SCN11A: variants seen among roughly 807,000 people sequenced by gnomAD.
The protein encoded by SCN11A is sodium channel protein type 11 subunit alpha.
In SCN11A, 122 loss-of-function variants were observed where a neutral mutation model predicts 162.2. The observed-to-expected ratio is 0.75, with a 90% confidence interval of 0.65 to 0.87. The LOEUF (loss-of-function observed/expected upper bound fraction) is 0.87, where lower values mean the gene tolerates loss of function less well. Among genes scored for constraint, SCN11A ranks in the 40% least tolerant of loss-of-function variants. SCN11A has a pLI of 0.00. For synonymous variants in SCN11A, 758 were observed against 751.5 expected, an observed-to-expected ratio of 1.01 and a Z score of -0.14; for missense variants, 2,015 against 2,181.6, an observed-to-expected ratio of 0.92 and a Z score of 1.52.
At chr3:38,858,741 A>G (rs930881595) in intron 28 of SCN11A, among the ~76,000 whole-genome samples, 7 of 152,190 alleles carry the variant, frequency 4.6e-5, no homozygotes, top group African/African-American at 1.7e-4. Flanking sequence ...AGCATTCTCC[A>G]TATCACATGG....
intron 28 of SCN11A, among the ~76,000 whole-genome samples, chr3:38,851,455 C>T (rs2126080391): frequency 6.6e-6 from 1 of 152,250 alleles, no homozygotes; most frequent in South Asian, 2.1e-4. Flanking sequence ...TGAGTATATG[C>T]TGATTGTTCA....
rs563099025 is a variant in SCN11A, at chr3:39,036,841, T to C, written c.-403-4338A>G. On this transcript the variant is annotated intron_variant, in intron 1 of 29. Coordinates refer to ENST00000302328, the MANE Select transcript of SCN11A (RefSeq NM_001349253.2). ...AAAGACAGGCAATAACAAATGCTAG[T>C]GGAGAAAAGGGAACCCTCATATACT... Among the ~76,000 whole-genome samples, 11 of 152,180 alleles carry C rather than the reference T, an allele frequency of 7.2e-5. No individual in the cohort carries two copies. In the East Asian group the frequency reaches 1.9e-3, roughly 27 times the overall value.
chr3:38,847,092 C>A lies in SCN11A; in HGVS notation c.4978G>T (p.Ala1660Ser). ...ADALPEPLRVAKPNKYQFLVM... is the reference protein window; with the variant it reads ...ADALPEPLRVSKPNKYQFLVM... Reference sequence around the variant, plus strand: ...AGAAATTGATATTTATTTGGCTTTGCGACACGCAAAGGCTCAGGCAAGGCA... The same window carrying A: ...AGAAATTGATATTTATTTGGCTTTGAGACACGCAAAGGCTCAGGCAAGGCA... Residue 1660 changes from alanine (A) to serine (S), a missense_variant, in exon 30 of 30, where the codon GCA (alanine) becomes TCA (serine). Coordinates refer to ENST00000302328, the MANE Select transcript of SCN11A (RefSeq NM_001349253.2). 1.2e-6 allele frequency: 2 copies of A among 1,614,064 alleles called. No homozygotes were observed. The highest frequency in any genetic ancestry group is 1.7e-6 in the Non-Finnish European group (2 of 1,180,014).
In SCN11A at chr3:38,963,749, TA is replaced by T. The variant is rs546663123; in HGVS notation, c.-279-3327del. On this transcript the variant is annotated intron_variant, in intron 2 of 29. Transcript: ENST00000302328. Reference sequence around the variant, plus strand: ...GAAGAGTGGGAGAGAGGCAAGGGATTAAAAAACTACTAATATGGTACAGTGT... The same window carrying T: ...GAAGAGTGGGAGAGAGGCAAGGGATTAAAAACTACTAATATGGTACAGTGT... Among the ~76,000 whole-genome samples the T allele has an allele frequency of 2.0e-3, 304 of 151,976 alleles. 2 individuals are homozygous for T. The highest frequency in any genetic ancestry group is 6.9e-3 in the African/African-American group (288 of 41,442).
At chr3:38,965,927 T>C (rs1261689984) in intron 2 of SCN11A, among the ~76,000 whole-genome samples, 3 of 151,824 alleles carry the variant, frequency 2.0e-5, no homozygotes, top group Admixed American at 2.0e-4. Context: ...CTGCAGTGAG[T>C]TAGGATTGTG....
chr3:38,913,356 C>A (rs2065912617), intron 11 of SCN11A, among the ~76,000 whole-genome samples: 1 of 151,996 alleles, frequency 6.6e-6, no homozygotes, highest in Non-Finnish European at 1.5e-5. Flanking sequence ...ATTTAATTTC[C>A]TTATAGATGC....
chr3:38,897,093 CAA>C lies in SCN11A; in HGVS notation c.2153_2154del (p.Val718GlyfsTer8), dbSNP rs2065615265. On this transcript the variant is annotated frameshift_variant, in exon 18 of 30. Transcript: ENST00000302328. LOFTEE classifies it high-confidence loss of function. ...LVIVIFIFSV[V>X]GMQLFGRSFN... ...AAGCTACGGCCAAAAAGCTGCATGC[CAA>C]CTACTGAGAAAATAAAGATCACAAT... 1 of 1,613,880 alleles carries C rather than the reference CAA, an allele frequency of 6.2e-7. No homozygotes were observed. The highest frequency in any genetic ancestry group is 8.5e-7 in the Non-Finnish European group (1 of 1,180,022).
At chr3:39,028,357 C>T (rs998784857) in intron 2 of SCN11A, among the ~76,000 whole-genome samples, 3 of 152,210 alleles carry the variant, frequency 2.0e-5, no homozygotes, top group African/African-American at 4.8e-5. Context: ...CATGTTCTGA[C>T]ACTGTTAATA....
intron 2 of SCN11A, among the ~76,000 whole-genome samples, chr3:39,004,109 G>A (rs2030897962): frequency 6.6e-6 from 1 of 152,122 alleles, no homozygotes; most frequent in African/African-American, 2.4e-5. Flanking sequence ...CCTATGTCCA[G>A]GATGGTATTG....
At chr3:38,994,230 A>G (rs1246842961) in intron 2 of SCN11A, among the ~76,000 whole-genome samples, 1 of 152,222 alleles carries the variant, frequency 6.6e-6, no homozygotes, top group Non-Finnish European at 1.5e-5. Flanking sequence ...CTTAATGCTA[A>G]TTATAAAGTA....
chr3:38,894,929 G>A lies in SCN11A; in HGVS notation c.2439C>T (p.Ser813=), dbSNP rs2065570748. ...LNLFIALLLN[S]FSNEERNGNL... is the part of the protein sequence containing the mutation. ...TTCCATTTCTTTCCTCATTGCTAAAGGAATTGAGCAGTAAGGCAATGAAGA... is the reference window on the plus strand; with the variant it reads ...TTCCATTTCTTTCCTCATTGCTAAAAGAATTGAGCAGTAAGGCAATGAAGA... The change falls in exon 19 of 30, where the codon TCC becomes TCT. Residue 813 remains serine (S), a synonymous_variant. Coordinates refer to ENST00000302328, the MANE Select transcript of SCN11A (RefSeq NM_001349253.2). 1.9e-6 allele frequency: 3 copies of A among 1,613,308 alleles called. No homozygotes were observed. The South Asian group carries it at 3.3e-5, about 18-fold the overall frequency.
chr3:38,942,950 C>T (rs961934934), intron 7 of SCN11A, among the ~76,000 whole-genome samples: 1 of 152,030 alleles, frequency 6.6e-6, no homozygotes, highest in African/African-American at 2.4e-5. Context: ...ATCGCAGGGC[C>T]CAGCAATTAC....
rs114231594 is a variant in SCN11A, at chr3:39,011,308, T to C, written c.-280+21072A>G. ...TAAGTGAGGGCTTAAAGGCCATAGG[T>C]GGATTCAAAGATTCTCTGATTTGCA... On this transcript the variant is annotated intron_variant, in intron 2 of 29. Coordinates refer to ENST00000302328, the MANE Select transcript of SCN11A (RefSeq NM_001349253.2). Among the ~76,000 whole-genome samples, 736 of 152,332 alleles carry C rather than the reference T, an allele frequency of 4.8e-3. 6 individuals carry two copies. The highest frequency in any genetic ancestry group is 0.017 in the African/African-American group (695 of 41,576).
rs747734969 is a variant in SCN11A at position 38,899,976 on chromosome 3, A to G, written c.1940T>C (p.Ile647Thr). The change falls in exon 17 of 30, where the codon ATT becomes ACT. Residue 647 changes from isoleucine to threonine, a missense_variant. By Grantham distance (89) the Ile-to-Thr change is moderately conservative. Transcript: ENST00000302328. ...ATCTGCAAAACTCAGAAGAGCAACA[A>G]TGCTGTCAAAAATGTTCCAGCCTCG... is the stretch of plus-strand genomic sequence containing the variant. ...FRRGWNIFDS[I>T]VALLSFADVM... 1.1e-5 allele frequency: 17 copies of G among 1,614,028 alleles called. No individual in the cohort carries two copies. In the East Asian group the frequency reaches 1.3e-4, roughly 13 times the overall value.
intron 2 of SCN11A, among the ~76,000 whole-genome samples, chr3:38,984,499 TG>T (rs2030164295): frequency 6.7e-6 from 1 of 150,342 alleles, no homozygotes; most frequent in Non-Finnish European, 1.5e-5. Flanking sequence ...TCTGAGGAGG[TG>T]AAATTTGTGC....
chr3:38,880,170 G>C (rs775135144), intron 22 of SCN11A, 47 bp from the exon 23 acceptor site: 2 of 1,378,680 alleles, frequency 1.5e-6, no homozygotes, highest in East Asian at 4.7e-5. Flanking sequence ...TATTTGCAAA[G>C]AACTCCTTGG....
Position 38,961,168 on chromosome 3 carries a change from G to C in SCN11A, c.-279-745C>G, listed in dbSNP as rs35981138. Among the ~76,000 whole-genome samples, 614 of 152,238 alleles carry C rather than the reference G, an allele frequency of 4.0e-3. 1 individual carries two copies. The highest frequency in any genetic ancestry group is 6.5e-3 in the Non-Finnish European group (442 of 68,032). ...TGCAGGATGGGAAACAGGAAATTTT[G>C]GTCCTGCCACAAGGGGCGCTGAATA... On this transcript the variant is annotated intron_variant, in intron 2 of 29. Transcript: ENST00000302328.
In SCN11A at chr3:38,986,628, G is replaced by C. The variant is rs184423453; in HGVS notation, c.-279-26205C>G. Among the ~76,000 whole-genome samples, 746 of 151,622 alleles carry C rather than the reference G, an allele frequency of 4.9e-3. 2 individuals carry two copies. The highest frequency in any genetic ancestry group is 0.01 in the Middle Eastern group (3 of 294). The stretch of plus-strand genomic sequence containing the variant: ...CCTCCCTCCTTCTCTCTCTCTCTCT[G>C]TGTGTGTGTGTTGTTGTTGTTGTTG... On this transcript the variant is annotated intron_variant, in intron 2 of 29. Transcript: ENST00000302328.
At chr3:38,987,611 AG>A (rs59097337) in intron 2 of SCN11A, among the ~76,000 whole-genome samples, 21,237 of 152,160 alleles carry the variant, frequency 0.14, 1,686 homozygotes, top group African/African-American at 0.21. Context: ...TGTGACCTGA[AG>A]GGGTCTAACT....
Sources: allele counts gnomAD v4.1 joint callset (sites outside exome capture counted in the v4.1 genomes callset), GRCh38; gene constraint gnomAD v4.1.1; transcripts MANE v1.5; gene names NCBI Gene and HGNC (gene_info 2026-07-23, HGNC 2026-07-21).